Variants in ASIC2 observed in about 807,000 individuals in gnomAD.
The protein encoded by ASIC2 is acid-sensing ion channel 2.
In ASIC2, 25 loss-of-function variants were observed where a neutral mutation model predicts 57.3. That is an observed-to-expected ratio of 0.44 (90% confidence interval 0.32 to 0.61). The LOEUF (loss-of-function observed/expected upper bound fraction) is 0.61. ASIC2 is among the 20% of genes least tolerant of loss of function. The pLI is 0.06. For missense variants in ASIC2, 641 were observed against 738.1 expected (o/e 0.87, Z 1.52); for synonymous variants, 319 against 307.5 (o/e 1.04, Z -0.39).
chr17:33,139,616 C>A (rs2092379393), intron 1 of ASIC2, among the ~76,000 whole-genome samples: 1 of 152,180 alleles, frequency 6.6e-6, no homozygotes, highest in South Asian at 2.1e-4. Context: ...TTGCTCTCTG[C>A]TGGTTTGTTG....
At chr17:33,970,558 G>A (rs1050781934) in intron 1 of ASIC2, among the ~76,000 whole-genome samples, 4 of 152,208 alleles carry the variant, frequency 2.6e-5, no homozygotes, top group Non-Finnish European at 5.9e-5. Context: ...GGGAAGTTAG[G>A]CAGCTTTGGC....
chr17:33,365,165 T>C (rs1463113690), intron 1 of ASIC2, among the ~76,000 whole-genome samples: 1 of 152,194 alleles, frequency 6.6e-6, no homozygotes, highest in Non-Finnish European at 1.5e-5. Context: ...CCTCTGCCTT[T>C]GTCCACCTCA....
chr17:33,144,000 T>G lies in ASIC2; in HGVS notation c.709-31933A>C, dbSNP rs1380405340. Among the ~76,000 whole-genome samples, 4 of 152,126 alleles carry G rather than the reference T, an allele frequency of 2.6e-5. No homozygotes were observed. The East Asian group carries it at 7.7e-4, about 29-fold the overall frequency. On this transcript the variant is annotated intron_variant, in intron 1 of 9. Coordinates refer to ENST00000225823, the MANE Select transcript of ASIC2 (RefSeq NM_183377.2). ...CCCACTTGATGCCCAACCCTTCTCT[T>G]TCTAGGAAAGGCTTCCATTTTCTGG... is the stretch of plus-strand genomic sequence containing the variant.
At chr17:34,131,880 G>A (rs1251998084) in intron 1 of ASIC2, among the ~76,000 whole-genome samples, 1 of 152,188 alleles carries the variant, frequency 6.6e-6, no homozygotes, top group South Asian at 2.1e-4. Context: ...GCCCACTGAC[G>A]AATTACCTTG....
intron 1 of ASIC2, among the ~76,000 whole-genome samples, chr17:33,800,338 G>A (rs967372256): frequency 1.1e-4 from 17 of 152,120 alleles, no homozygotes; most frequent in Non-Finnish European, 2.1e-4. Flanking sequence ...ACACCTTCAG[G>A]AGGGCAGAGT....
At chr17:33,886,330 A>G (rs1211659226) in intron 1 of ASIC2, among the ~76,000 whole-genome samples, 1 of 152,138 alleles carries the variant, frequency 6.6e-6, no homozygotes, top group Non-Finnish European at 1.5e-5. Flanking sequence ...GGGGGCAGGG[A>G]AGGTAACATT....
intron 1 of ASIC2, among the ~76,000 whole-genome samples, chr17:33,357,723 C>T (rs1908441611): frequency 6.6e-6 from 1 of 152,114 alleles, no homozygotes; most frequent in Non-Finnish European, 1.5e-5. Flanking sequence ...ACCTGGAGCC[C>T]TGAGTATGTA....
intron 1 of ASIC2, among the ~76,000 whole-genome samples, chr17:33,788,943 A>T (rs1911686085): frequency 6.6e-6 from 1 of 152,192 alleles, no homozygotes; most frequent in Non-Finnish European, 1.5e-5. Context: ...ATGATGGATC[A>T]ATAGGTGCAG....
At chr17:34,098,906 T>C (rs113756521) in intron 1 of ASIC2, among the ~76,000 whole-genome samples, 1,763 of 152,084 alleles carry the variant, frequency 0.012, 19 homozygotes, top group Middle Eastern at 0.078. Context: ...GTGATTTCCA[T>C]ACCGTGTGAT....
chr17:33,910,491 G>A (rs897527149), intron 1 of ASIC2, among the ~76,000 whole-genome samples: 10 of 152,116 alleles, frequency 6.6e-5, no homozygotes, highest in African/African-American at 2.4e-4. Context: ...TTCTTCCATC[G>A]AGATGATGGA....
chr17:33,329,770 G>T (rs1328110643), intron 1 of ASIC2, among the ~76,000 whole-genome samples: 1 of 152,056 alleles, frequency 6.6e-6, no homozygotes, highest in East Asian at 1.9e-4. Flanking sequence ...TCACAAGGGG[G>T]ATTGTCATTA....
chr17:33,057,435 T>A (rs922253901), intron 3 of ASIC2, among the ~76,000 whole-genome samples: 1 of 152,238 alleles, frequency 6.6e-6, no homozygotes, highest in Non-Finnish European at 1.5e-5. Context: ...CTCTTCTGTC[T>A]CTATGTGCTT....
At chr17:33,015,068 A>G (rs925992605) in intron 9 of ASIC2, among the ~76,000 whole-genome samples, 1 of 152,212 alleles carries the variant, frequency 6.6e-6, no homozygotes, top group Non-Finnish European at 1.5e-5. Context: ...TCCGTTCCAC[A>G]GAGGCTGCAG....
chr17:33,492,330 T>C (rs1312617091), intron 1 of ASIC2, among the ~76,000 whole-genome samples: 1 of 152,334 alleles, frequency 6.6e-6, no homozygotes, highest in East Asian at 1.9e-4. Context: ...TACTCACAAG[T>C]TGTGGTGCCT....
intron 3 of ASIC2, among the ~76,000 whole-genome samples, chr17:33,038,344 G>A (rs1322340770): frequency 6.6e-6 from 1 of 152,176 alleles, no homozygotes; most frequent in Non-Finnish European, 1.5e-5. Context: ...TTTGGCTTAA[G>A]TTATTTTGAG....
intron 1 of ASIC2, among the ~76,000 whole-genome samples, chr17:33,693,970 C>T (rs1356914521): frequency 6.6e-6 from 1 of 152,186 alleles, no homozygotes; most frequent in African/African-American, 2.4e-5. Flanking sequence ...TTTTTAAGAA[C>T]CATCTGTATT....
chr17:33,577,670 A>C (rs138511351), intron 1 of ASIC2, among the ~76,000 whole-genome samples: 60 of 152,170 alleles, frequency 3.9e-4, no homozygotes, highest in African/African-American at 1.7e-4. Flanking sequence ...TTCCCCTAGC[A>C]CCTATTTTTA....
In ASIC2 at chr17:33,089,906, A is replaced by G. The variant is rs117221696; in HGVS notation, c.860-916T>C. ...TCATCCTAAATGTTTAGTGCTCACAATCAGTGGAAAATGAACTTATGGGAC... is the reference window on the plus strand; with the variant it reads ...TCATCCTAAATGTTTAGTGCTCACAGTCAGTGGAAAATGAACTTATGGGAC... On this transcript the variant is annotated intron_variant, in intron 2 of 9. Coordinates refer to ENST00000225823, the MANE Select transcript of ASIC2 (RefSeq NM_183377.2). Among the ~76,000 whole-genome samples the G allele has an allele frequency of 6.4e-3, 973 of 152,312 alleles. 4 individuals are homozygous for G. Among genetic ancestry groups the G allele is most frequent in the Non-Finnish European group, 7.4e-3 (501 of 68,020 alleles).
chr17:33,511,509 A>G (rs1406514193), intron 1 of ASIC2, among the ~76,000 whole-genome samples: 3 of 152,120 alleles, frequency 2.0e-5, no homozygotes, highest in Non-Finnish European at 4.4e-5. Flanking sequence ...ATGGGGAGTC[A>G]TCTTCTATTT....
Sources: gnomAD v4.1 joint callset for allele counts (sites outside exome capture counted in the v4.1 genomes callset) on GRCh38, gnomAD v4.1.1 for gene constraint, MANE v1.5 for transcripts, NCBI Gene and HGNC (gene_info 2026-07-23, HGNC 2026-07-21) for gene names.